KANSL2: variants seen among roughly 807,000 people sequenced by gnomAD.
KANSL2 encodes the protein KAT8 regulatory NSL complex subunit 2.
Under a neutral mutation model 55.6 loss-of-function variants are expected in KANSL2, and 34 were observed. The observed-to-expected ratio is 0.61, with a 90% CI of 0.46 to 0.81. The LOEUF is 0.81. Ranked by LOEUF, KANSL2 falls within the 40% of genes least tolerant of loss-of-function variation. KANSL2 has a pLI of 0.00. For synonymous variants in KANSL2, 209 were observed against 214.3 expected (o/e 0.98, Z 0.22); for missense variants, 502 against 609.9 (o/e 0.82, Z 1.86).
chr12:48,667,465 C>CG (rs1312287897), intron 7 of KANSL2: 1 of 645,494 alleles, frequency 1.5e-6, no homozygotes, highest in Non-Finnish European at 2.9e-6. Flanking sequence ...ACTCATGTTT[C>CG]TTTCTAATGA....
chr12:48,680,078 G>A, intron 2 of KANSL2: 1 of 433,860 alleles, frequency 2.3e-6, no homozygotes, highest in South Asian at 2.6e-5. Flanking sequence ...GCTGAGGCAA[G>A]GGATTGGGTC....
At chr12:48,660,991 T>C (rs1187664437) in intron 7 of KANSL2, among the ~76,000 whole-genome samples, 1 of 152,112 alleles carries the variant, frequency 6.6e-6, no homozygotes, top group Admixed American at 6.6e-5. Context: ...AAAATGCCCC[T>C]AAACAGCCCT....
At chr12:48,680,980 G>T (rs10783276) in intron 2 of KANSL2, among the ~76,000 whole-genome samples, 1 of 150,904 alleles carries the variant, frequency 6.6e-6, no homozygotes, top group Non-Finnish European at 1.5e-5. Context: ...CCGCCCCCCC[G>T]CCAAAAAATT....
intron 7 of KANSL2, 122 bp downstream of exon 7, chr12:48,667,571 T>C: frequency 1.2e-6 from 1 of 808,492 alleles, no homozygotes; most frequent in Non-Finnish European, 2.2e-6. Flanking sequence ...TTCAGCAAAC[T>C]GCTGGCCTTG....
At position 48,679,737 on chromosome 12, in the gene KANSL2, C is replaced by G. The variant is rs1457437662; in HGVS notation, c.348G>C (p.Leu116=). 1.2e-6 allele frequency: 2 copies of G among 1,612,054 alleles called. No homozygotes were observed. Among genetic ancestry groups the G allele is most frequent in the South Asian group, 2.2e-5 (2 of 90,526 alleles). Residue 116 remains leucine, a synonymous_variant, in exon 3 of 10, where the codon CTG becomes CTC. Coordinates refer to ENST00000420613, the MANE Select transcript of KANSL2 (RefSeq NM_017822.4). ...TNPGPVGETL[L]CQLSSYAKTE... ...TCTTAGCATATGAGCTCAGCTGGCACAGGAGTGTTTCACCCACAGGCCCTG... is the reference window on the plus strand; with the variant it reads ...TCTTAGCATATGAGCTCAGCTGGCAGAGGAGTGTTTCACCCACAGGCCCTG...
intron 9 of KANSL2, 188 bp from the exon 10 acceptor site, chr12:48,654,363 A>G: frequency 2.5e-6 from 2 of 799,568 alleles, no homozygotes; most frequent in Non-Finnish European, 4.6e-6. Flanking sequence ...AGCCTCTTCC[A>G]ATGGGATGGT....
At chr12:48,654,477 C>A (rs1163156729) in intron 9 of KANSL2, 9 of 656,378 alleles carry the variant, frequency 1.4e-5, no homozygotes, top group Non-Finnish European at 2.1e-5. Flanking sequence ...CTGCTTGAAA[C>A]CAACAGCCAC....
intron 4 of KANSL2, among the ~76,000 whole-genome samples, chr12:48,674,251 G>A (rs538938449): frequency 2.6e-4 from 39 of 152,142 alleles, no homozygotes; most frequent in African/African-American, 8.2e-4. Flanking sequence ...AGCAATTCTC[G>A]TGCCTCAGCC....
Position 48,679,119 on chromosome 12 carries a change from T to G in KANSL2, c.462A>C (p.Glu154Asp). The G allele has an allele frequency of 6.2e-7, 1 of 1,613,810 alleles. No homozygotes were observed. ...TCCATGTCTGATCCACAGTAATGGG[T>G]TCCTGCTCCCCATCACTCCAGCTGT... Reference protein sequence around the residue: ...DEDSWSDGEQEPITVDQTWRG... With the variant: ...DEDSWSDGEQDPITVDQTWRG... Residue 154 changes from glutamate to aspartate, a missense_variant, in exon 4 of 10, where the codon GAA (glutamate) becomes GAC (aspartate). Glu to Asp is a conservative substitution (Grantham distance 45). Coordinates refer to ENST00000420613, the MANE Select transcript of KANSL2 (RefSeq NM_017822.4).
chr12:48,678,814 T>C (rs968133401), intron 4 of KANSL2, among the ~76,000 whole-genome samples: 9 of 152,162 alleles, frequency 5.9e-5, no homozygotes, highest in Admixed American at 2.0e-4. Context: ...TACGTAGAAT[T>C]TGGTGTTCAA....
In KANSL2 at chr12:48,658,153, C is replaced by T. The variant is rs554024697; in HGVS notation, c.1227+2213G>A. On this transcript the variant is annotated intron_variant, in intron 8 of 9. Transcript: ENST00000420613. ...GGCTTAGACCGGAGAATCGCTTGAA[C>T]CCAGGAGGCAGACAGTGCAGTGAGC... Among the ~76,000 whole-genome samples the T allele has an allele frequency of 3.0e-4, 46 of 152,168 alleles. 1 individual carries two copies. The Middle Eastern group carries it at 0.02, about 68-fold the overall frequency.
chr12:48,659,918 T>C (rs1030752951), intron 8 of KANSL2, among the ~76,000 whole-genome samples: 2 of 152,180 alleles, frequency 1.3e-5, no homozygotes, highest in African/African-American at 4.8e-5. Context: ...TACTATTACA[T>C]TGATATGAAA....
chr12:48,679,922 G>A, intron 2 of KANSL2, 89 bp from the exon 3 acceptor site: 1 of 1,158,854 alleles, frequency 8.6e-7, no homozygotes, highest in Non-Finnish European at 1.2e-6. Flanking sequence ...ATCATTTTTA[G>A]GGAATTAAAA....
intron 8 of KANSL2, 136 bp downstream of exon 8, chr12:48,660,230 T>C: frequency 1.2e-6 from 1 of 816,702 alleles, no homozygotes; most frequent in Non-Finnish European, 1.9e-6. Context: ...TGCTAACATA[T>C]AAATACAACT....
chr12:48,667,852 A>G, intron 6 of KANSL2, 63 bp from the exon 7 acceptor site: 1 of 1,191,400 alleles, frequency 8.4e-7, no homozygotes, highest in Non-Finnish European at 1.2e-6. Flanking sequence ...TTACGATGAA[A>G]ATAGTTATAT....
In KANSL2 at chr12:48,654,988, C is replaced by A; in HGVS notation, c.1300G>T (p.Glu434Ter). ...PLLFDPSLTLEDHLVKEIAED... is the reference protein window; with the variant it reads ...PLLFDPSLTL ...GCAATTTCTTTGACTAAATGATCTT[C>A]AAGGGTTAGTGAAGGATCAAAAAGC... Residue 434 changes from glutamate to a stop codon, truncating the protein, a stop_gained, in exon 9 of 10, where the codon GAA becomes TAA. Coordinates refer to ENST00000420613, the MANE Select transcript of KANSL2 (RefSeq NM_017822.4). LOFTEE classifies it high-confidence loss of function. The A allele has an allele frequency of 6.3e-7, 1 of 1,584,612 alleles. No individual in the cohort carries two copies. Among genetic ancestry groups the A allele is most frequent in the South Asian group, 1.2e-5 (1 of 86,256 alleles).
intron 6 of KANSL2, 39 bp from the exon 7 acceptor site, chr12:48,667,828 G>T: frequency 7.2e-7 from 1 of 1,386,268 alleles, no homozygotes; most frequent in Non-Finnish European, 1.0e-6. Context: ...ACCCACAAAA[G>T]AACACACAAA....
At chr12:48,660,308 T>C in intron 8 of KANSL2, 58 bp downstream of exon 8, 1 of 1,587,290 alleles carries the variant, frequency 6.3e-7, no homozygotes, top group South Asian at 1.1e-5. Context: ...ATTCTCACCA[T>C]TAATAAATAA....
chr12:48,668,786 A>T (rs1939649889), intron 6 of KANSL2, among the ~76,000 whole-genome samples: 1 of 152,232 alleles, frequency 6.6e-6, no homozygotes, highest in Non-Finnish European at 1.5e-5. Flanking sequence ...TCATGTCTGC[A>T]ATCCCAACAC....
Sources: allele counts gnomAD v4.1 joint callset (sites outside exome capture counted in the v4.1 genomes callset), GRCh38; gene constraint gnomAD v4.1.1; transcripts MANE v1.5; gene names NCBI Gene and HGNC (gene_info 2026-07-23, HGNC 2026-07-21).